The following FRMPD3 variants were observed in gnomAD, a reference collection of about 807,000 sequenced individuals.
The protein encoded by FRMPD3 is FERM and PDZ domain containing 3, also known as FERM and PDZ domain-containing protein 3.
Under a neutral mutation model 97.9 loss-of-function variants are expected in FRMPD3, and 42 were observed. That is an observed-to-expected ratio of 0.43 (90% CI 0.34 to 0.55). The LOEUF is 0.55. Among genes scored for constraint, FRMPD3 ranks in the 20% least tolerant of loss-of-function variants. The pLI, the probability that FRMPD3 is intolerant of heterozygous loss-of-function variation, is 0.03. For missense variants in FRMPD3, 1,303 were observed against 1,457.7 expected, an observed-to-expected ratio of 0.89 and a Z score of 1.73; for synonymous variants, 577 against 581.1, an observed-to-expected ratio of 0.99 and a Z score of 0.10.
At chrX:107,573,333 C>T (rs772553716) in intron 12 of FRMPD3, among the ~76,000 whole-genome samples, 5 of 111,477 alleles carry the variant, frequency 4.5e-5, no homozygotes, top group South Asian at 3.9e-4. Flanking sequence ...TCGTGGTAGC[C>T]GCCATTTACA....
At chrX:107,459,853 G>A (rs939148843) in intron 1 of FRMPD3, among the ~76,000 whole-genome samples, 7 of 104,312 alleles carry the variant, frequency 6.7e-5, no homozygotes, top group South Asian at 4.4e-4. Context: ...ATGAACACAC[G>A]TGTGTGTGCG....
chrX:107,548,755 G>A (rs1485487348), intron 5 of FRMPD3, among the ~76,000 whole-genome samples: 1 of 112,338 alleles, frequency 8.9e-6, no homozygotes, highest in Admixed American at 9.4e-5. Context: ...GAGGTAGAAG[G>A]ATCACTTGAG....
chrX:107,454,085 A>C, intron 1 of FRMPD3, among the ~76,000 whole-genome samples: 1 of 111,673 alleles, frequency 9.0e-6, no homozygotes, highest in Non-Finnish European at 1.9e-5. Flanking sequence ...CCTCAAATTC[A>C]CTTTGCCATT....
chrX:107,522,393 A>G, intron 1 of FRMPD3: 2 of 557,049 alleles, frequency 3.6e-6, no homozygotes, highest in Admixed American at 4.4e-5. Context: ...TGGGCTGAGC[A>G]TACAGGCTGG....
At chrX:107,482,273 C>G (rs912018318) in intron 1 of FRMPD3, among the ~76,000 whole-genome samples, 1 of 111,408 alleles carries the variant, frequency 9.0e-6, no homozygotes, top group Non-Finnish European at 1.9e-5. Flanking sequence ...GCCTGCTCCC[C>G]CTCCTTCTCC....
intron 13 of FRMPD3, among the ~76,000 whole-genome samples, chrX:107,584,001 C>T (rs1334898579): frequency 1.8e-5 from 2 of 108,478 alleles, no homozygotes; most frequent in Non-Finnish European, 3.8e-5. Context: ...CGAGTAGCTG[C>T]AACTACAGGC....
At chrX:107,598,213 T>C (rs1386140285) in intron 14 of FRMPD3, 71 bp downstream of exon 14, 1 of 933,933 alleles carries the variant, frequency 1.1e-6, no homozygotes, top group African/African-American at 2.0e-5. Flanking sequence ...GGTAACATTG[T>C]GTCTTCCCAA....
chrX:107,459,160 A>G (rs1049771456), intron 1 of FRMPD3, among the ~76,000 whole-genome samples: 19 of 112,567 alleles, frequency 1.7e-4, no homozygotes, highest in Admixed American at 1.3e-3. Flanking sequence ...TGCAGAATGC[A>G]GTTGAGATGA....
At chrX:107,568,987 C>T (rs1265194202) in intron 12 of FRMPD3, among the ~76,000 whole-genome samples, 2 of 108,867 alleles carry the variant, frequency 1.8e-5, no homozygotes, top group African/African-American at 6.7e-5. Context: ...GCTTACCTAG[C>T]TTGTAGGATA....
At chrX:107,529,651 G>C (rs944026530) in intron 2 of FRMPD3, among the ~76,000 whole-genome samples, 2 of 111,563 alleles carry the variant, frequency 1.8e-5, no homozygotes, top group Non-Finnish European at 3.8e-5. Context: ...CTGCCCAAAA[G>C]TATGTGCTTT....
At chrX:107,548,738 G>T (rs949112654) in intron 5 of FRMPD3, among the ~76,000 whole-genome samples, 3 of 112,390 alleles carry the variant, frequency 2.7e-5, no homozygotes, top group African/African-American at 9.7e-5. Context: ...TAGCTATTTG[G>T]GAGGCTGAGG....
At chrX:107,576,817 GT>G (rs1253614139) in intron 13 of FRMPD3, among the ~76,000 whole-genome samples, 1 of 111,877 alleles carries the variant, frequency 8.9e-6, no homozygotes, top group Non-Finnish European at 1.9e-5. Flanking sequence ...TTCTGGCTCA[GT>G]TGAAGTGAAG....
chrX:107,596,136 G>A (rs1185900594), intron 13 of FRMPD3, among the ~76,000 whole-genome samples: 1 of 110,759 alleles, frequency 9.0e-6, no homozygotes, highest in Non-Finnish European at 1.9e-5. Context: ...CTGGCATATT[G>A]ACTCTGTCAA....
chrX:107,553,074 C>A, intron 7 of FRMPD3, 148 bp downstream of exon 7: 1 of 602,108 alleles, frequency 1.7e-6, no homozygotes, highest in Non-Finnish European at 2.5e-6. Flanking sequence ...TATCCACCTC[C>A]AGAGGGCTTT....
intron 1 of FRMPD3, among the ~76,000 whole-genome samples, chrX:107,469,820 T>G (rs1921012691): frequency 8.9e-6 from 1 of 112,505 alleles, no homozygotes; most frequent in African/African-American, 3.2e-5. Flanking sequence ...GCTATCATTA[T>G]CCAAAGAGGA....
At chrX:107,482,297 G>A (rs1227298089) in intron 1 of FRMPD3, among the ~76,000 whole-genome samples, 1 of 111,258 alleles carries the variant, frequency 9.0e-6, no homozygotes, top group African/African-American at 3.3e-5. Context: ...GTCAGCAGAG[G>A]CTTACTGGAA....
Position 107,501,331 on chromosome X carries a change from A to G in FRMPD3, c.-7-25251A>G, listed in dbSNP as rs769862995. ...TTTTTAAAGAAAGCTCTTGGCCACTAAAGCCAATTCTCTTGTCTCCTATTT... is the reference window on the plus strand; with the variant it reads ...TTTTTAAAGAAAGCTCTTGGCCACTGAAGCCAATTCTCTTGTCTCCTATTT... On this transcript the variant is annotated intron_variant, in intron 1 of 14. Coordinates refer to ENST00000683843, the MANE Select transcript of FRMPD3 (RefSeq NM_001388459.1). Among the ~76,000 whole-genome samples the G allele has an allele frequency of 1.1e-4, 11 of 100,482 alleles. No individual in the cohort carries two copies. In the East Asian group the frequency reaches 3.4e-3, roughly 31 times the overall value. The allele number at this position is 100,482 out of a possible 115,157, so 87.3% of individuals were successfully genotyped here.
At position 107,601,080 on chromosome X, in the gene FRMPD3, G is replaced by T. The variant is rs779616238; in HGVS notation, c.3041G>T (p.Ser1014Ile). 1.7e-5 allele frequency: 21 copies of T among 1,206,588 alleles called. No individual in the cohort carries two copies. The East Asian group carries it at 5.3e-4, about 31-fold the overall frequency. ...AATCTGAAGTTCAAAATTAGCCCCAGTGCTCCAGAGACCTCATGGAATTCT... is the reference window on the plus strand; with the variant it reads ...AATCTGAAGTTCAAAATTAGCCCCATTGCTCCAGAGACCTCATGGAATTCT... ...SKNLKFKISPSAPETSWNSQH... is the reference protein window; with the variant it reads ...SKNLKFKISPIAPETSWNSQH... The change falls in exon 15 of 15, where the codon AGT becomes ATT. Residue 1014 changes from serine (S) to isoleucine (I), a missense_variant. Ser to Ile is a moderately radical substitution (Grantham distance 142, BLOSUM62 -2). Transcript: ENST00000683843.
At chrX:107,553,346 A>G (rs1471562776) in intron 7 of FRMPD3, among the ~76,000 whole-genome samples, 1 of 106,465 alleles carries the variant, frequency 9.4e-6, no homozygotes, top group Non-Finnish European at 1.9e-5. Context: ...TTATCCTAGG[A>G]CAAGTGGGAG....
Sources: allele counts gnomAD v4.1 joint callset (sites outside exome capture counted in the v4.1 genomes callset), GRCh38; gene constraint gnomAD v4.1.1; transcripts MANE v1.5; gene names NCBI Gene and HGNC (gene_info 2026-07-23, HGNC 2026-07-21).